The following HELZ variants were observed in gnomAD, a reference collection of about 807,000 sequenced individuals.
The protein encoded by HELZ is helicase with zinc finger.
A neutral mutation model predicts 218.2 loss-of-function variants in HELZ; 23 were observed. That is an observed-to-expected ratio of 0.11 (90% confidence interval 0.08 to 0.15). The LOEUF is 0.15. Among genes scored for constraint, HELZ ranks in the 10% least tolerant of loss-of-function variants. The probability of loss-of-function intolerance (pLI) is 1.00; values close to 1 mark genes in which losing one functional copy is unlikely to be tolerated. For synonymous variants in HELZ, 814 were observed against 829.4 expected (o/e 0.98, Z 0.32); for missense variants, 1,813 against 2,353.7 (o/e 0.77, Z 4.75).
intron 21 of HELZ, among the ~76,000 whole-genome samples, chr17:67,145,212 A>AT (rs1201416080): frequency 6.6e-6 from 1 of 152,044 alleles, no homozygotes; most frequent in Non-Finnish European, 1.5e-5. Context: ...AGACGTTGCC[A>AT]TTTTTTTGGT....
chr17:67,180,709 C>G (rs1260275439), intron 12 of HELZ, among the ~76,000 whole-genome samples: 1 of 152,050 alleles, frequency 6.6e-6, no homozygotes, highest in African/African-American at 2.4e-5. Flanking sequence ...GAAACCCAGT[C>G]TCTACTAAAA....
rs376627662 is a variant in HELZ at position 67,078,372 on chromosome 17, A to G, written c.5709T>C (p.Pro1903=). The stretch of plus-strand genomic sequence containing the variant: ...GCTCAGGAGGGGGCCTGGGCTTTGG[A>G]GGGGCCCGCAGAGCGCTGGCATAGG... The part of the protein sequence containing the change: ...AMSYASALRA[P]PKPRPPPEQA... Residue 1903 remains proline (P), a synonymous_variant, in exon 33 of 33, where the codon CCT becomes CCC. Transcript: ENST00000358691. 4.0e-5 allele frequency: 64 copies of G among 1,610,638 alleles called. No homozygotes were observed. The Middle Eastern group carries it at 5.0e-4, about 13-fold the overall frequency.
chr17:67,168,749 G>A (rs931105604), intron 13 of HELZ, among the ~76,000 whole-genome samples: 1 of 152,176 alleles, frequency 6.6e-6, no homozygotes, highest in African/African-American at 2.4e-5. Context: ...GTGAGTATGA[G>A]AGAGTATGTG....
chr17:67,122,928 T>A, intron 26 of HELZ, 42 bp downstream of exon 26: 1 of 1,428,314 alleles, frequency 7.0e-7, no homozygotes, highest in Non-Finnish European at 9.7e-7. Context: ...GTGAAACCTA[T>A]TTTACTTGAT....
chr17:67,125,203 T>A (rs770893330), intron 24 of HELZ, among the ~76,000 whole-genome samples: 1 of 141,626 alleles, frequency 7.1e-6, no homozygotes, highest in African/African-American at 2.9e-5. Flanking sequence ...AAAAGCCTCA[T>A]GAAGTCAGAA....
Position 67,148,643 on chromosome 17 carries a change from A to G in HELZ, c.2547T>C (p.Tyr849=), listed in dbSNP as rs960785286. ...NLHVSLLDRL[Y]EHYPAEFPCR... ...ATGGGAACTCAGCAGGGTAATGCTC[A>G]TAGAGTCGGTCAAGTAATGAAACGT... Residue 849 remains tyrosine, a synonymous_variant, in exon 20 of 33, where the codon TAT becomes TAC. Coordinates refer to ENST00000358691, the MANE Select transcript of HELZ (RefSeq NM_014877.4). 4.3e-5 allele frequency: 69 copies of G among 1,613,656 alleles called. No individual in the cohort carries two copies. Among genetic ancestry groups the G allele is most frequent in the Non-Finnish European group, 5.0e-5 (59 of 1,179,716 alleles).
chr17:67,226,332 A>C (rs1200676256), intron 3 of HELZ, among the ~76,000 whole-genome samples: 1 of 152,074 alleles, frequency 6.6e-6, no homozygotes, highest in African/African-American at 2.4e-5. Flanking sequence ...AACCAAATAA[A>C]AACTGAGCAA....
chr17:67,084,520 G>A (rs1322331112), intron 32 of HELZ, among the ~76,000 whole-genome samples: 3 of 151,980 alleles, frequency 2.0e-5, no homozygotes, highest in East Asian at 1.9e-4. Flanking sequence ...AAAATTAGCC[G>A]GGCGTGGTGG....
intron 5 of HELZ, among the ~76,000 whole-genome samples, chr17:67,208,341 C>T (rs565074927): frequency 1.3e-5 from 2 of 152,212 alleles, no homozygotes; most frequent in South Asian, 2.1e-4. Context: ...TAATTGTATT[C>T]GTGGTTAAAT....
intron 23 of HELZ, among the ~76,000 whole-genome samples, chr17:67,130,558 CTTTATT>C (rs931711271): frequency 2.2e-4 from 33 of 152,130 alleles, no homozygotes; most frequent in Admixed American, 1.4e-3. Context: ...AAAAGCTGTC[CTTTATT>C]TTTATTTTTA....
chr17:67,185,216 G>A (rs1282517599), intron 12 of HELZ, among the ~76,000 whole-genome samples: 1 of 152,102 alleles, frequency 6.6e-6, no homozygotes, highest in Non-Finnish European at 1.5e-5. Context: ...CATTTTTATT[G>A]TCTCAGAACA....
intron 31 of HELZ, among the ~76,000 whole-genome samples, chr17:67,101,278 C>A (rs1271018250): frequency 6.6e-6 from 1 of 151,628 alleles, no homozygotes; most frequent in African/African-American, 2.4e-5. Context: ...AGAGGTGGGA[C>A]AGAGGAGGAG....
At chr17:67,233,285 G>A (rs1169118651) in intron 3 of HELZ, among the ~76,000 whole-genome samples, 4 of 152,212 alleles carry the variant, frequency 2.6e-5, no homozygotes, top group South Asian at 2.1e-4. Context: ...CCTGGGATGC[G>A]GAGGCTGCAG....
chr17:67,220,123 C>T (rs1318276653), intron 3 of HELZ, among the ~76,000 whole-genome samples: 8 of 152,208 alleles, frequency 5.3e-5, no homozygotes, highest in Non-Finnish European at 1.2e-4. Context: ...CTCCAGCCTA[C>T]ATATATGTTC....
At chr17:67,243,065 CTCT>C (rs1290352581) in intron 2 of HELZ, among the ~76,000 whole-genome samples, 19 of 152,290 alleles carry the variant, frequency 1.2e-4, no homozygotes, top group Admixed American at 2.6e-4. Context: ...TAGCAAACTT[CTCT>C]TCCTCTCTAT....
chr17:67,188,308 C>A lies in HELZ; in HGVS notation c.1162+11G>T. 6.3e-7 allele frequency: 1 copy of A among 1,595,406 alleles called. No homozygotes were observed. Among genetic ancestry groups the A allele is most frequent in the Non-Finnish European group, 8.6e-7 (1 of 1,168,546 alleles). ...ACACATTGTATCGGGGGAAAAAAGT[C>A]TAAATATTACCTTCTGTAGAAGCTG... is the stretch of plus-strand genomic sequence containing the variant. On this transcript the variant is annotated intron_variant, in intron 12 of 32. Transcript: ENST00000358691. This position sits in a 1 kb window ranked among gnomAD's most constrained non-coding sequence, Gnocchi z 4.1.
chr17:67,245,532 G>T (rs549620936), upstream of HELZ: 192 of 984,600 alleles, frequency 2.0e-4, 1 homozygote, highest in African/African-American at 3.1e-3. Context: ...TTTCCTTGCC[G>T]CCCGCGGCGC....
At chr17:67,177,818 A>G (rs1000248258) in intron 13 of HELZ, among the ~76,000 whole-genome samples, 9 of 152,262 alleles carry the variant, frequency 5.9e-5, no homozygotes, top group Middle Eastern at 3.4e-3. Flanking sequence ...CAAAATATCT[A>G]TAAGTTTTCA....
intron 23 of HELZ, among the ~76,000 whole-genome samples, chr17:67,132,762 C>T (rs915077895): frequency 2.0e-5 from 3 of 152,124 alleles, no homozygotes; most frequent in African/African-American, 7.2e-5. Flanking sequence ...AGAAAAAAAT[C>T]TGTTTAAAAA....
Sources: allele counts gnomAD v4.1 joint callset (sites outside exome capture counted in the v4.1 genomes callset), GRCh38; gene constraint gnomAD v4.1.1; non-coding constraint Gnocchi (gnomAD v3.1); transcripts MANE v1.5; gene names NCBI Gene and HGNC (gene_info 2026-07-23, HGNC 2026-07-21).